Variants in SCIN observed in about 807,000 individuals in gnomAD.
The protein encoded by SCIN is adseverin.
A neutral mutation model predicts 91.8 loss-of-function variants in SCIN; 91 were observed. That is an observed-to-expected ratio of 0.99 (90% CI 0.84 to 1.18). SCIN has a LOEUF of 1.18. SCIN is among the 50% of genes most tolerant of loss of function. The probability of loss-of-function intolerance (pLI) is 0.00; values close to 1 mark genes in which losing one functional copy is unlikely to be tolerated. For missense variants in SCIN, 1,087 were observed against 863.9 expected (o/e 1.26, Z -3.24); for synonymous variants, 367 against 312.6 (o/e 1.17, Z -1.84).
In SCIN at chr7:12,655,973, C is replaced by T. The variant is rs952354699; in HGVS notation, c.*3258C>T. 1 of 152,206 alleles carries T rather than the reference C, an allele frequency of 6.6e-6. No individual in the cohort carries two copies. The highest frequency in any genetic ancestry group is 1.9e-4 in the East Asian group (1 of 5,200). The allele number at this position is 152,206 out of a possible 1,614,324, so 9.4% of individuals were successfully genotyped here. A position where few individuals can be genotyped will look rare whatever the true frequency, so the allele number is the denominator to read the frequency against. On this transcript the variant is annotated 3_prime_UTR_variant, in exon 16 of 16. Coordinates refer to ENST00000297029, the MANE Select transcript of SCIN (RefSeq NM_001112706.3). ...GAAATTCATACTCAACTCAGTCAAA[C>T]AGAGGTCCTGCATTTACCTCTTGGT... is the stretch of plus-strand genomic sequence containing the variant.
chr7:12,611,357 A>G (rs968728997), intron 4 of SCIN, among the ~76,000 whole-genome samples: 5 of 152,240 alleles, frequency 3.3e-5, no homozygotes, highest in African/African-American at 1.2e-4. Flanking sequence ...TTTGGAATAC[A>G]AAGTAAAAGA....
intron 4 of SCIN, among the ~76,000 whole-genome samples, chr7:12,616,789 C>T (rs1783307736): frequency 6.6e-6 from 1 of 152,106 alleles, no homozygotes; most frequent in African/African-American, 2.4e-5. Context: ...GTTTTATAAT[C>T]AAGGACTAAT....
intron 3 of SCIN, among the ~76,000 whole-genome samples, chr7:12,585,031 G>C (rs1782558589): frequency 6.6e-6 from 1 of 152,134 alleles, no homozygotes; most frequent in African/African-American, 2.4e-5. Flanking sequence ...TTTGGTCCGT[G>C]ATGCAGCTTT....
intron 5 of SCIN, 131 bp from the exon 6 acceptor site, chr7:12,624,879 T>C (rs1027196122): frequency 6.2e-6 from 5 of 808,182 alleles, no homozygotes; most frequent in Non-Finnish European, 9.0e-6. Context: ...AATTCTTGCA[T>C]TTAAAGTGTA....
intron 13 of SCIN, among the ~76,000 whole-genome samples, chr7:12,646,485 C>G (rs1783967738): frequency 6.6e-6 from 1 of 152,170 alleles, no homozygotes; most frequent in African/African-American, 2.4e-5. Context: ...TACTACCATG[C>G]CATTGGAGGC....
At chr7:12,600,887 T>C (rs1782943543) in intron 3 of SCIN, among the ~76,000 whole-genome samples, 1 of 152,184 alleles carries the variant, frequency 6.6e-6, no homozygotes. Context: ...AAGAGTTGAC[T>C]TATCACTGGG....
rs1214607769 is a variant in SCIN, at chr7:12,604,591, G to T, written c.594G>T (p.Arg198=). 2.6e-6 allele frequency: 4 copies of T among 1,552,056 alleles called. No individual in the cohort carries two copies. The East Asian group carries it at 9.8e-5, about 38-fold the overall frequency. The part of the protein sequence containing the change: ...LKANQVATGI[R]YNERKGRSEL... ...CAAACCAGGTAGCTACTGGCATTCG[G>T]TACAATGAAAGGAAAGGAAGGTCTG... Residue 198 remains arginine (R), a synonymous_variant, in exon 4 of 16, where the codon CGG becomes CGT. Coordinates refer to ENST00000297029, the MANE Select transcript of SCIN (RefSeq NM_001112706.3).
chr7:12,646,347 G>T (rs1783965177), intron 13 of SCIN, among the ~76,000 whole-genome samples: 1 of 152,194 alleles, frequency 6.6e-6, no homozygotes, highest in Non-Finnish European at 1.5e-5. Flanking sequence ...TAGCCTTCTT[G>T]TGTCCTCACA....
chr7:12,581,819 T>C lies in SCIN; in HGVS notation c.516+598T>C, dbSNP rs181495748. ...CAGGTATACTTATTAATCATTACTG[T>C]CATGACAAAGAAGCATTATTTCAAG... is the stretch of plus-strand genomic sequence containing the variant. On this transcript the variant is annotated intron_variant, in intron 3 of 15. Transcript: ENST00000297029. Among the ~76,000 whole-genome samples the C allele has an allele frequency of 7.2e-5, 11 of 152,298 alleles. No homozygotes were observed. The East Asian group carries it at 2.1e-3, about 29-fold the overall frequency.
At chr7:12,639,450 G>A (rs911905097) in intron 10 of SCIN, among the ~76,000 whole-genome samples, 1 of 152,086 alleles carries the variant, frequency 6.6e-6, no homozygotes, top group African/African-American at 2.4e-5. Context: ...CATTCACCTG[G>A]CTTCTAGAAA....
intron 5 of SCIN, among the ~76,000 whole-genome samples, chr7:12,623,420 T>A (rs1285202354): frequency 6.6e-6 from 1 of 152,184 alleles, no homozygotes; most frequent in African/African-American, 2.4e-5. Flanking sequence ...AGCACATGAT[T>A]AGGAGCATGA....
At chr7:12,586,654 A>G (rs1034239530) in intron 3 of SCIN, among the ~76,000 whole-genome samples, 7 of 152,214 alleles carry the variant, frequency 4.6e-5, no homozygotes, top group Non-Finnish European at 7.3e-5. Flanking sequence ...ATCACTATTC[A>G]CAATAGCAAA....
At chr7:12,619,801 C>A (rs573271372) in intron 4 of SCIN, among the ~76,000 whole-genome samples, 1 of 152,074 alleles carries the variant, frequency 6.6e-6, no homozygotes, top group African/African-American at 2.4e-5. Flanking sequence ...AGTGGGAGCA[C>A]CCAATTCAGA....
At chr7:12,588,595 T>A (rs546267651) in intron 3 of SCIN, among the ~76,000 whole-genome samples, 2 of 151,834 alleles carry the variant, frequency 1.3e-5, no homozygotes, top group African/African-American at 4.8e-5. Flanking sequence ...CTGGGGTTGT[T>A]TGTTGGTTAA....
intron 11 of SCIN, among the ~76,000 whole-genome samples, chr7:12,643,899 G>C (rs912864488): frequency 6.6e-6 from 1 of 152,128 alleles, no homozygotes; most frequent in African/African-American, 2.4e-5. Flanking sequence ...CAGTCATATG[G>C]TCAGACAGTT....
At chr7:12,589,481 C>G (rs1000777078) in intron 3 of SCIN, 3 of 152,564 alleles carry the variant, frequency 2.0e-5, no homozygotes, top group Admixed American at 2.0e-4. Context: ...CCTCAGCCTC[C>G]CAAAGATCTG....
chr7:12,585,949 C>T (rs1478633625), intron 3 of SCIN, among the ~76,000 whole-genome samples: 1 of 152,192 alleles, frequency 6.6e-6, no homozygotes, highest in Non-Finnish European at 1.5e-5. Flanking sequence ...TAGTTTGTTT[C>T]CTGACCTTTT....
At chr7:12,616,471 T>G (rs1783301499) in intron 4 of SCIN, among the ~76,000 whole-genome samples, 1 of 152,154 alleles carries the variant, frequency 6.6e-6, no homozygotes, top group African/African-American at 2.4e-5. Context: ...TCTGCTACCT[T>G]GATATTGGAC....
At chr7:12,650,567 C>G (rs564629228) in intron 14 of SCIN, among the ~76,000 whole-genome samples, 1 of 152,084 alleles carries the variant, frequency 6.6e-6, no homozygotes, top group Non-Finnish European at 1.5e-5. Flanking sequence ...TGTTTCAGCA[C>G]TTTCAGTATG....
Sources: allele counts gnomAD v4.1 joint callset (sites outside exome capture counted in the v4.1 genomes callset), GRCh38; gene constraint gnomAD v4.1.1; transcripts MANE v1.5; gene names NCBI Gene and HGNC (gene_info 2026-07-23, HGNC 2026-07-21).